The following GALNT12 variants were observed in gnomAD, a reference collection of about 807,000 sequenced individuals.
The protein encoded by GALNT12 is polypeptide N-acetylgalactosaminyltransferase 12, also known as UDP-GalNAc:polypeptide N-acetylgalactosaminyltransferase 12.
GALNT12 carries 45 observed loss-of-function variants against 55.5 expected under a neutral mutation model. That is an observed-to-expected ratio of 0.81 (90% confidence interval 0.64 to 1.04). The LOEUF (loss-of-function observed/expected upper bound fraction) is 1.04. Ranked by LOEUF, GALNT12 falls within the 50% of genes least tolerant of loss-of-function variation. GALNT12 has a pLI of 0.00. For synonymous variants in GALNT12, 304 were observed against 312.2 expected (o/e 0.97, Z 0.28); for missense variants, 709 against 754.8 (o/e 0.94, Z 0.71).
Position 98,848,938 on chromosome 9 carries a change from G to A in GALNT12, c.1606-14G>A. On this transcript the variant is annotated splice_polypyrimidine_tract_variant and intron_variant, in intron 9 of 9. Coordinates refer to ENST00000375011, the MANE Select transcript of GALNT12 (RefSeq NM_024642.5). ...TTTCTGATGACTTGCCTGTCATTCT[G>A]TTATCTTTTGTAGGATGGATCTTTA... 6.2e-7 allele frequency: 1 copy of A among 1,614,156 alleles called. No homozygotes were observed. Among genetic ancestry groups the A allele is most frequent in the Non-Finnish European group, 8.5e-7 (1 of 1,180,010 alleles).
At chr9:98,812,109 A>G (rs1835508389) in intron 1 of GALNT12, among the ~76,000 whole-genome samples, 1 of 152,174 alleles carries the variant, frequency 6.6e-6, no homozygotes, top group African/African-American at 2.4e-5. Flanking sequence ...ATGAATTCTT[A>G]TTAGATCCAT....
chr9:98,842,910 C>T (rs184746182), intron 7 of GALNT12, among the ~76,000 whole-genome samples: 167 of 152,050 alleles, frequency 1.1e-3, no homozygotes, highest in African/African-American at 4.0e-3. Flanking sequence ...AGGCATTTTA[C>T]ATTCTTTTTT....
intron 1 of GALNT12, 54 bp from the exon 2 acceptor site, chr9:98,823,202 C>T (rs1428637476): frequency 6.5e-7 from 1 of 1,542,180 alleles, no homozygotes; most frequent in Non-Finnish European, 9.0e-7. Context: ...CACTCCATCC[C>T]CAGTGCCAGC....
intron 8 of GALNT12, among the ~76,000 whole-genome samples, chr9:98,844,902 G>C (rs548858139): frequency 5.9e-5 from 9 of 152,164 alleles, no homozygotes; most frequent in Non-Finnish European, 1.2e-4. Context: ...GGAATGGAGA[G>C]AAGTGTTGGT....
Position 98,807,861 on chromosome 9 carries a change from A to C in GALNT12, c.163A>C (p.Thr55Pro), listed in dbSNP as rs1007797317. The C allele has an allele frequency of 9.9e-7, 1 of 1,009,686 alleles. No homozygotes were observed. The highest frequency in any genetic ancestry group is 1.2e-6 in the Non-Finnish European group (1 of 848,146). 62.5% of individuals were successfully genotyped at this position (1,009,686 alleles called of 1,614,324 possible). Residue 55 changes from threonine to proline, a missense_variant, in exon 1 of 10, where the codon ACC becomes CCC. Around this residue, in one of 5 missense-constraint regions of GALNT12, gnomAD observed 110 missense variants for 102.2 expected, o/e 1.08. Transcript: ENST00000375011. The part of the protein sequence containing the change: ...AGAAEPGPPR[T>P]PRPGRREPVM... ...GGCTGCCGAGCCGGGACCCCCGCGC[A>C]CCCCGCGCCCCGGGCGGCGCGAGCC...
chr9:98,843,283 C>G (rs1429864164), intron 7 of GALNT12, among the ~76,000 whole-genome samples: 1 of 152,062 alleles, frequency 6.6e-6, no homozygotes, highest in Non-Finnish European at 1.5e-5. Context: ...AGTACTACAG[C>G]TTAGAGTATT....
intron 3 of GALNT12, among the ~76,000 whole-genome samples, chr9:98,829,045 G>A (rs950493418): frequency 2.0e-5 from 3 of 152,054 alleles, no homozygotes; most frequent in African/African-American, 7.2e-5. Flanking sequence ...GGCCAGGCTG[G>A]TCTCGAACTC....
intron 1 of GALNT12, among the ~76,000 whole-genome samples, chr9:98,810,616 TAAGGG>T (rs1323573582): frequency 2.0e-5 from 3 of 152,166 alleles, no homozygotes; most frequent in Admixed American, 1.3e-4. Flanking sequence ...TGGGAATGAC[TAAGGG>T]ACCACTTGGT....
intron 9 of GALNT12, among the ~76,000 whole-genome samples, chr9:98,847,925 G>T (rs1836458558): frequency 6.7e-6 from 1 of 148,960 alleles, no homozygotes; most frequent in South Asian, 2.1e-4. Context: ...CGATTCTCCT[G>T]TCTCAGTCTC....
rs1457926819 is a variant in GALNT12, at chr9:98,848,952, G to A, written c.1606G>A (p.Asp536Asn). ...CCTGTCATTCTGTTATCTTTTGTAG[G>A]ATGGATCTTTATTTCACGAACAGTC... ...PENQKFILQE[D>N]GSLFHEQSKK... Residue 536 changes from aspartate (D) to asparagine (N), a missense_variant and splice_region_variant, in exon 10 of 10, where the codon GAT becomes AAT. Asp to Asn is a conservative substitution (Grantham distance 23). Coordinates refer to ENST00000375011, the MANE Select transcript of GALNT12 (RefSeq NM_024642.5). 2 of 1,614,230 alleles carry A rather than the reference G, an allele frequency of 1.2e-6. No homozygotes were observed. Among genetic ancestry groups the A allele is most frequent in the Admixed American group, 3.3e-5 (2 of 60,036 alleles).
intron 7 of GALNT12, 31 bp downstream of exon 7, chr9:98,840,164 A>G (rs971932194): frequency 1.6e-5 from 25 of 1,611,662 alleles, no homozygotes; most frequent in Non-Finnish European, 2.1e-5. Flanking sequence ...CACGGCAGGC[A>G]GGGACTTCCC....
At chr9:98,844,012 G>A in intron 7 of GALNT12, 84 bp from the exon 8 acceptor site, 1 of 910,504 alleles carries the variant, frequency 1.1e-6, no homozygotes, top group Non-Finnish European at 1.8e-6. Context: ...CTCCTCTCAT[G>A]CCAGGTACCC....
chr9:98,831,986 T>G, intron 4 of GALNT12, 29 bp downstream of exon 4: 2 of 1,586,210 alleles, frequency 1.3e-6, no homozygotes, highest in Non-Finnish European at 8.6e-7. Context: ...GGTGACTTGT[T>G]TTTTAAGCAT....
chr9:98,808,247 AAG>A lies in GALNT12; in HGVS notation c.371+180_371+181del, dbSNP rs1554753829. 2.6e-5 allele frequency among the ~76,000 whole-genome samples: 4 copies of A among 152,314 alleles called. No homozygotes were observed. In the East Asian group the frequency reaches 7.7e-4, roughly 29 times the overall value. ...GGGGCGGGGAGGCAAGAAAGTAAAAAAGACGAAAGTAGAAAAAAAATTACCAG... is the reference window on the plus strand; with the variant it reads ...GGGGCGGGGAGGCAAGAAAGTAAAAAACGAAAGTAGAAAAAAAATTACCAG... On this transcript the variant is annotated intron_variant, in intron 1 of 9. Transcript: ENST00000375011.
intron 1 of GALNT12, 59 bp from the exon 2 acceptor site, chr9:98,823,197 C>T: frequency 6.6e-7 from 1 of 1,504,592 alleles, no homozygotes. Context: ...TTTGTCACTC[C>T]ATCCCCAGTG....
At chr9:98,831,082 T>C (rs561930868) in intron 3 of GALNT12, among the ~76,000 whole-genome samples, 8 of 152,282 alleles carry the variant, frequency 5.3e-5, no homozygotes, top group African/African-American at 1.4e-4. Flanking sequence ...TTTGTAATAA[T>C]GTGGAGAGAA....
At chr9:98,827,202 A>C (rs747801613) in intron 3 of GALNT12, among the ~76,000 whole-genome samples, 35 of 151,598 alleles carry the variant, frequency 2.3e-4, no homozygotes, top group Non-Finnish European at 4.3e-4. Context: ...TTTTCTTTTT[A>C]TTTTTTGAGA....
chr9:98,813,316 G>T lies in GALNT12; in HGVS notation c.371+5247G>T, dbSNP rs117355505. 2.4e-4 allele frequency among the ~76,000 whole-genome samples: 37 copies of T among 152,320 alleles called. No homozygotes were observed. In the East Asian group the frequency reaches 4.4e-3, roughly 18 times the overall value. On this transcript the variant is annotated intron_variant, in intron 1 of 9. Transcript: ENST00000375011. ...GCTATGAGATGCCTACAGTGACCCA[G>T]ATCTCTCTGTCATTCTTGTTTCTTT...
chr9:98,834,358 A>G (rs963046899), intron 4 of GALNT12, among the ~76,000 whole-genome samples: 8 of 152,022 alleles, frequency 5.3e-5, no homozygotes, highest in African/African-American at 1.7e-4. Flanking sequence ...TGACCTCAGG[A>G]GATCTGCCCG....
Sources: gnomAD v4.1 joint callset for allele counts (sites outside exome capture counted in the v4.1 genomes callset) on GRCh38, gnomAD v4.1.1 for gene constraint, gnomAD v4.1.1 regional missense constraint, MANE v1.5 for transcripts, NCBI Gene and HGNC (gene_info 2026-07-23, HGNC 2026-07-21) for gene names.